NFASC: variants seen among roughly 807,000 people sequenced by gnomAD.
NFASC encodes neurofascin, also known as neurofascin homolog.
In NFASC, 43 loss-of-function variants were observed where a neutral mutation model predicts 147.5. The observed-to-expected ratio is 0.29, with a 90% confidence interval of 0.23 to 0.38. NFASC has a LOEUF of 0.38. NFASC is among the 10% of genes least tolerant of loss of function. The pLI is 1.00. For missense variants in NFASC, 1,320 were observed against 1,689.0 expected, an observed-to-expected ratio of 0.78 and a Z score of 3.83; for synonymous variants, 622 against 665.5, an observed-to-expected ratio of 0.93 and a Z score of 1.01.
intron 16 of NFASC, 105 bp downstream of exon 16, chr1:204,976,900 T>G: frequency 1.3e-6 from 2 of 1,514,324 alleles, no homozygotes. Context: ...TGCAGTCAAG[T>G]GGCCGGGTCA....
chr1:204,984,321 T>TAA, intron 21 of NFASC: 1 of 494,654 alleles, frequency 2.0e-6, no homozygotes, highest in Non-Finnish European at 3.6e-6. Flanking sequence ...GAAAAAAAAA[T>TAA]TATATATATA....
Position 205,016,648 on chromosome 1 carries a change from G to C in NFASC, c.*109G>C, listed in dbSNP as rs767579748. The C allele has an allele frequency of 2.9e-5, 23 of 784,654 alleles. No homozygotes were observed. The South Asian group carries it at 3.2e-4, about 11-fold the overall frequency. 48.6% of individuals were successfully genotyped at this position (784,654 alleles called of 1,614,324 possible). On this transcript the variant is annotated 3_prime_UTR_variant, in exon 30 of 30. Coordinates refer to ENST00000339876, the MANE Select transcript of NFASC (RefSeq NM_001005388.3). The surrounding 1 kb of genome is among the most constrained non-coding windows in gnomAD (Gnocchi z 5.1). ...AGCCACCACCACCTTCAGTAACAAGGGTACGATATGGGGGTCTGCCAAGCT... is the reference window on the plus strand; with the variant it reads ...AGCCACCACCACCTTCAGTAACAAGCGTACGATATGGGGGTCTGCCAAGCT...
chr1:205,014,417 G>A (rs1455562669), intron 29 of NFASC, among the ~76,000 whole-genome samples: 1 of 152,192 alleles, frequency 6.6e-6, no homozygotes, highest in Non-Finnish European at 1.5e-5. Flanking sequence ...AAAGAACTAA[G>A]TTTCTAGAGA....
At position 205,019,570 on chromosome 1, in the gene NFASC, T is replaced by C. The variant is rs1460181224; in HGVS notation, c.*3031T>C. 6.6e-6 allele frequency: 1 copy of C among 152,236 alleles called. No individual in the cohort carries two copies. Among genetic ancestry groups the C allele is most frequent in the Non-Finnish European group, 1.5e-5 (1 of 68,036 alleles). 9.4% of individuals were successfully genotyped at this position (152,236 alleles called of 1,614,324 possible). On this transcript the variant is annotated 3_prime_UTR_variant, in exon 30 of 30. Transcript: ENST00000339876. ...GATACCATGGCGCGTGAGTTAGATG[T>C]GGTCCCTGCCCTCATGGGGCTGACA...
chr1:204,919,893 A>G (rs1372353214), intron 1 of NFASC, among the ~76,000 whole-genome samples: 1 of 152,192 alleles, frequency 6.6e-6, no homozygotes, highest in South Asian at 2.1e-4. Context: ...TGCTGGGATT[A>G]CAGGTGTGAC....
intron 27 of NFASC, among the ~76,000 whole-genome samples, chr1:205,005,905 C>T (rs1310989897): frequency 6.6e-6 from 1 of 152,152 alleles, no homozygotes; most frequent in Non-Finnish European, 1.5e-5. Context: ...TCCTAATTGC[C>T]CATGTGGCCC....
intron 1 of NFASC, among the ~76,000 whole-genome samples, chr1:204,912,453 CAG>C (rs2087820337): frequency 6.6e-6 from 1 of 151,006 alleles, no homozygotes; most frequent in African/African-American, 2.4e-5. Context: ...CCCAGCTACT[CAG>C]GGGGGCTGAG....
chr1:205,008,759 C>G (rs564246834), intron 27 of NFASC: 1 of 153,372 alleles, frequency 6.5e-6, no homozygotes, highest in African/African-American at 2.4e-5. Flanking sequence ...CAGAGAGGGA[C>G]TCACTGTCAC....
At chr1:204,969,793 T>C (rs1241926790) in intron 10 of NFASC, among the ~76,000 whole-genome samples, 1 of 152,086 alleles carries the variant, frequency 6.6e-6, no homozygotes, top group Non-Finnish European at 1.5e-5. Context: ...TGAGAACTGC[T>C]CTAGCTGGGC....
chr1:204,950,562 A>G lies in NFASC; in HGVS notation c.97A>G (p.Ile33Val), dbSNP rs1252208025. The G allele has an allele frequency of 1.9e-6, 3 of 1,612,792 alleles. No individual in the cohort carries two copies. Among genetic ancestry groups the G allele is most frequent in the Admixed American group, 1.7e-5 (1 of 59,898 alleles). ...TAACCCGTCGGAACTAACAGCAAGCATTCAGAATGAGCGTAAGTGCCCTGT... is the reference window on the plus strand; with the variant it reads ...TAACCCGTCGGAACTAACAGCAAGCGTTCAGAATGAGCGTAAGTGCCCTGT... Reference protein sequence around the residue: ...GAIEIPMDPSIQNELTQPPTI... With the variant: ...GAIEIPMDPSVQNELTQPPTI... Residue 33 changes from isoleucine (I) to valine (V), a missense_variant, in exon 4 of 30, where the codon ATT (isoleucine) becomes GTT (valine). Ile to Val is a conservative substitution (Grantham distance 29). Around this residue, in one of 3 missense-constraint regions of NFASC, gnomAD observed 981 missense variants for 1,289.5 expected, o/e 0.76. Coordinates refer to ENST00000339876, the MANE Select transcript of NFASC (RefSeq NM_001005388.3).
chr1:204,995,639 C>A (rs1231872790), intron 24 of NFASC, among the ~76,000 whole-genome samples: 1 of 152,130 alleles, frequency 6.6e-6, no homozygotes, highest in East Asian at 1.9e-4. Context: ...CCAGCACCCT[C>A]GGGGCACAGT....
Position 204,986,465 on chromosome 1 carries a change from C to A in NFASC, c.2471-953C>A, listed in dbSNP as rs1201193452. ...GTCCATCCTGACTGCCTGGAACCAT[C>A]TGATTTGTTTGCCAGCACCCAACAC... On this transcript the variant is annotated intron_variant, in intron 21 of 29. Transcript: ENST00000339876. This position sits in a 1 kb window ranked among gnomAD's most constrained non-coding sequence, Gnocchi z 4.2. Among the ~76,000 whole-genome samples, 1 of 152,234 alleles carries A rather than the reference C, an allele frequency of 6.6e-6. No individual in the cohort carries two copies. Among genetic ancestry groups the A allele is most frequent in the Non-Finnish European group, 1.5e-5 (1 of 68,044 alleles).
chr1:204,969,299 C>G, intron 10 of NFASC, among the ~76,000 whole-genome samples: 1 of 152,088 alleles, frequency 6.6e-6, no homozygotes, highest in East Asian at 1.9e-4. Flanking sequence ...TTTTTCCTTT[C>G]GTTTTGCATT....
chr1:204,987,035 A>G lies in NFASC; in HGVS notation c.2471-383A>G, dbSNP rs781023298. The G allele has an allele frequency of 1.2e-4, 25 of 211,670 alleles. No individual in the cohort carries two copies. Among genetic ancestry groups the G allele is most frequent in the Non-Finnish European group, 2.3e-4 (24 of 106,000 alleles). 13.1% of individuals were successfully genotyped at this position (211,670 alleles called of 1,614,324 possible). On this transcript the variant is annotated intron_variant, in intron 21 of 29. Transcript: ENST00000339876. This position sits in a 1 kb window ranked among gnomAD's most constrained non-coding sequence, Gnocchi z 4.4. ...TGAGAATCCTTATCTGAGGATAGGG[A>G]ACTGCAGCCTCTGTACAAAACAGCT... is the stretch of plus-strand genomic sequence containing the variant.
At chr1:204,906,932 C>G (rs2086128419) in intron 1 of NFASC, among the ~76,000 whole-genome samples, 1 of 152,176 alleles carries the variant, frequency 6.6e-6, no homozygotes, top group Non-Finnish European at 1.5e-5. Context: ...ATCCGCCCGC[C>G]TTGGCCTCCC....
chr1:204,907,546 A>G (rs1445756860), intron 1 of NFASC, among the ~76,000 whole-genome samples: 1 of 152,120 alleles, frequency 6.6e-6, no homozygotes, highest in Non-Finnish European at 1.5e-5. Flanking sequence ...AGTGTCACCA[A>G]CAATCACTCT....
At chr1:204,849,791 C>A (rs1288168972) in intron 1 of NFASC, among the ~76,000 whole-genome samples, 2 of 152,188 alleles carry the variant, frequency 1.3e-5, no homozygotes, top group African/African-American at 4.8e-5. Flanking sequence ...CTCTGGAAAG[C>A]AAGCAAGAGC....
Position 205,016,604 on chromosome 1 carries a change from C to A in NFASC, c.*65C>A. Reference sequence around the variant, plus strand: ...AGGAGGGGAGAAGGGGAGACAAAACCACTGCAGACCTACCACGAAGCCACC... The same window carrying A: ...AGGAGGGGAGAAGGGGAGACAAAACAACTGCAGACCTACCACGAAGCCACC... On this transcript the variant is annotated 3_prime_UTR_variant, in exon 30 of 30. Coordinates refer to ENST00000339876, the MANE Select transcript of NFASC (RefSeq NM_001005388.3). This position sits in a 1 kb window ranked among gnomAD's most constrained non-coding sequence, Gnocchi z 5.1. 1 of 1,143,558 alleles carries A rather than the reference C, an allele frequency of 8.7e-7. No homozygotes were observed. 70.8% of individuals were successfully genotyped at this position (1,143,558 alleles called of 1,614,324 possible). A position where few individuals can be genotyped will look rare whatever the true frequency, so the allele number is the denominator to read the frequency against.
intron 21 of NFASC, chr1:204,984,357 ATG>A (rs10657459): frequency 5.2e-5 from 10 of 192,388 alleles, no homozygotes; most frequent in South Asian, 2.1e-4. Context: ...ATATATATAT[ATG>A]TGTGTGTGTG....
Sources: allele counts gnomAD v4.1 joint callset (sites outside exome capture counted in the v4.1 genomes callset), GRCh38; gene constraint gnomAD v4.1.1; regional missense constraint gnomAD v4.1.1; non-coding constraint Gnocchi (gnomAD v3.1); transcripts MANE v1.5; gene names NCBI Gene and HGNC (gene_info 2026-07-23, HGNC 2026-07-21).